Variants in DDC observed in about 807,000 individuals in gnomAD.
The protein encoded by DDC is dopa decarboxylase, also known as aromatic-L-amino-acid decarboxylase.
DDC carries 43 observed loss-of-function variants against 60.0 expected under a neutral mutation model. That is an observed-to-expected ratio of 0.72 (90% CI 0.56 to 0.92). The LOEUF (loss-of-function observed/expected upper bound fraction) is 0.92, where lower values mean the gene tolerates loss of function less well. Ranked by LOEUF, DDC falls within the 40% of genes least tolerant of loss-of-function variation. The pLI, the probability that DDC is intolerant of heterozygous loss-of-function variation, is 0.00. For synonymous variants in DDC, 232 were observed against 234.6 expected, an observed-to-expected ratio of 0.99 and a Z score of 0.10; for missense variants, 573 against 620.2, an observed-to-expected ratio of 0.92 and a Z score of 0.81.
At chr7:50,530,737 C>T (rs557618993) in intron 4 of DDC, among the ~76,000 whole-genome samples, 23 of 152,222 alleles carry the variant, frequency 1.5e-4, no homozygotes, top group Admixed American at 5.9e-4. Flanking sequence ...GTAGAAGAAA[C>T]CCATCTACCG....
chr7:50,519,993 A>C (rs993996029), intron 6 of DDC, among the ~76,000 whole-genome samples: 2 of 152,170 alleles, frequency 1.3e-5, no homozygotes, highest in Admixed American at 6.5e-5. Flanking sequence ...TAAATCCTGA[A>C]GATGGGCGAG....
intron 9 of DDC, among the ~76,000 whole-genome samples, chr7:50,488,283 T>A (rs1035585450): frequency 2.6e-5 from 4 of 151,552 alleles, no homozygotes; most frequent in Admixed American, 2.6e-4. Flanking sequence ...TAAAAAAAAA[T>A]ATAGGAAAAT....
chr7:50,529,157 C>T (rs1301996443), intron 5 of DDC, 51 bp downstream of exon 5: 3 of 1,611,344 alleles, frequency 1.9e-6, no homozygotes, highest in Non-Finnish European at 2.5e-6. Context: ...TGACATAAAA[C>T]CAAACATTCG....
intron 14 of DDC, among the ~76,000 whole-genome samples, chr7:50,460,427 CCCGGCCAGCCGCCCCGT>C (rs1185540027): frequency 1.3e-5 from 2 of 149,698 alleles, no homozygotes; most frequent in African/African-American, 2.5e-5. Context: ...CAGCCCCCTG[CCCGGCCAGCCGCCCCGT>C]CCGGCCAGCC....
rs575698722 is a variant in DDC, at chr7:50,537,841, C to T, written c.435+19G>A. On this transcript the variant is annotated intron_variant, in intron 4 of 14. Transcript: ENST00000444124. ...GAGCCCATGCATCCCAAAAGTGGCC[C>T]TCACAGCTCCCACCTTACCTGGATC... The T allele has an allele frequency of 6.2e-7, 1 of 1,614,152 alleles. No homozygotes were observed. Among genetic ancestry groups the T allele is most frequent in the East Asian group, 2.2e-5 (1 of 44,878 alleles).
chr7:50,482,403 C>T lies in DDC; in HGVS notation c.945-2540G>A, dbSNP rs114128344. On this transcript the variant is annotated intron_variant, in intron 9 of 14. Coordinates refer to ENST00000444124, the MANE Select transcript of DDC (RefSeq NM_001082971.2). ...TTGCTTATCTTGTCATATTGGATTG[C>T]AACAATTCTGTAAACATTAGAAGCC... Among the ~76,000 whole-genome samples the T allele has an allele frequency of 2.3e-3, 347 of 152,266 alleles. 1 individual carries two copies. Among genetic ancestry groups the T allele is most frequent in the African/African-American group, 7.8e-3 (326 of 41,544 alleles).
chr7:50,470,613 G>T (rs1277928621), intron 11 of DDC, among the ~76,000 whole-genome samples: 1 of 152,198 alleles, frequency 6.6e-6, no homozygotes, highest in Non-Finnish European at 1.5e-5. Context: ...GCTCTTGTCT[G>T]CCACTTCTGC....
intron 1 of DDC, among the ~76,000 whole-genome samples, chr7:50,558,745 C>T (rs1247614849): frequency 2.6e-5 from 4 of 152,208 alleles, no homozygotes; most frequent in Non-Finnish European, 4.4e-5. Context: ...ACTTACACCT[C>T]CACTGTCAGC....
At chr7:50,483,479 T>C (rs2042814116) in intron 9 of DDC, among the ~76,000 whole-genome samples, 1 of 152,188 alleles carries the variant, frequency 6.6e-6, no homozygotes, top group Admixed American at 6.5e-5. Flanking sequence ...CTCATCTGGT[T>C]TTAGAATCAA....
At position 50,540,499 on chromosome 7, in the gene DDC, A is replaced by C. The variant is rs111598843; in HGVS notation, c.202-471T>G. Among the ~76,000 whole-genome samples the C allele has an allele frequency of 1.9e-3, 295 of 152,140 alleles. 2 individuals carry two copies. The highest frequency in any genetic ancestry group is 6.3e-3 in the African/African-American group (262 of 41,452). On this transcript the variant is annotated intron_variant, in intron 2 of 14. Transcript: ENST00000444124. ...CATTAAAAACAAACAAACAAACAAA[A>C]AAAAAAACCAAGCTCTGGATTTTCG...
At chr7:50,493,988 G>T (rs1423314410) in intron 9 of DDC, among the ~76,000 whole-genome samples, 2 of 152,054 alleles carry the variant, frequency 1.3e-5, no homozygotes, top group African/African-American at 4.8e-5. Context: ...GGAAAATTTT[G>T]CAGTTTTGCA....
At chr7:50,502,033 C>T (rs75700005) in intron 7 of DDC, among the ~76,000 whole-genome samples, 6,031 of 152,164 alleles carry the variant, frequency 0.04, 247 homozygotes, top group African/African-American at 0.11. Context: ...GAGATTGTGC[C>T]ACTCCAGCCT....
intron 4 of DDC, chr7:50,531,665 G>A (rs928652840): frequency 6.6e-6 from 1 of 152,080 alleles, no homozygotes. Flanking sequence ...GCCTGAAGGA[G>A]CAAATCGTCA....
chr7:50,493,580 G>C (rs1448436661), intron 9 of DDC, among the ~76,000 whole-genome samples: 1 of 152,156 alleles, frequency 6.6e-6, no homozygotes, highest in Non-Finnish European at 1.5e-5. Flanking sequence ...GGTGCAAACT[G>C]TCCTCACTGT....
At position 50,463,289 on chromosome 7, in the gene DDC, C is replaced by T. The variant is rs11575542; in HGVS notation, c.1385G>A (p.Arg462Gln). Residue 462 changes from arginine (R) to glutamine (Q), a missense_variant, in exon 14 of 15, where the codon CGG (arginine) becomes CAG (glutamine). Physicochemically the swap from Arg to Gln is conservative, Grantham distance 43 (BLOSUM62 1). Coordinates refer to ENST00000444124, the MANE Select transcript of DDC (RefSeq NM_001082971.2). Reference protein sequence around the residue: ...SRTVESAHVQRAWEHIKELAA... With the variant: ...SRTVESAHVQQAWEHIKELAA... ...CAGCTCTTTGATGTGTTCCCAGGCC[C>T]GCTGCACATGGGCAGATTCCACCGT... The T allele has an allele frequency of 0.022, 35,794 of 1,614,172 alleles. 1,143 individuals carry two copies. Among genetic ancestry groups the T allele is most frequent in the African/African-American group, 0.15 (11,308 of 75,032 alleles).
rs146601234 is a variant in DDC, at chr7:50,518,552, T to A, written c.714+9585A>T. Among the ~76,000 whole-genome samples, 184 of 152,260 alleles carry A rather than the reference T, an allele frequency of 1.2e-3. 4 individuals are homozygous for A. In the East Asian group the frequency reaches 0.034, roughly 28 times the overall value. On this transcript the variant is annotated intron_variant, in intron 6 of 14. Coordinates refer to ENST00000444124, the MANE Select transcript of DDC (RefSeq NM_001082971.2). ...GTATAAAAATAGGCACATAGACCAA[T>A]GGAACAGAATAGAGAACCCAGAAAT...
At chr7:50,561,918 T>C (rs1316842059) in intron 1 of DDC, among the ~76,000 whole-genome samples, 1 of 151,778 alleles carries the variant, frequency 6.6e-6, no homozygotes, top group Non-Finnish European at 1.5e-5. Flanking sequence ...CATGCATGCA[T>C]GTTTATACAC....
At chr7:50,536,558 G>T (rs535268563) in intron 4 of DDC, among the ~76,000 whole-genome samples, 1 of 152,220 alleles carries the variant, frequency 6.6e-6, no homozygotes, top group Admixed American at 6.5e-5. Context: ...GCCTCTAGAA[G>T]TCAGAAGAGG....
At chr7:50,492,821 T>C (rs1251025391) in intron 9 of DDC, 2 of 1,504,980 alleles carry the variant, frequency 1.3e-6, no homozygotes, top group Non-Finnish European at 1.8e-6. Context: ...CGGGGAAGAG[T>C]TGTCCGGGAG....
Sources: allele counts gnomAD v4.1 joint callset (sites outside exome capture counted in the v4.1 genomes callset), GRCh38; gene constraint gnomAD v4.1.1; transcripts MANE v1.5; gene names NCBI Gene and HGNC (gene_info 2026-07-23, HGNC 2026-07-21).